The following RSU1 variants were observed in gnomAD, a reference collection of about 807,000 sequenced individuals.
The protein encoded by RSU1 is rsu-1.
RSU1 carries 26 observed loss-of-function variants against 31.1 expected under a neutral mutation model. The observed-to-expected ratio is 0.84, with a 90% CI of 0.61 to 1.16. RSU1 has a LOEUF of 1.16. Ranked by LOEUF, RSU1 falls within the 50% of genes most tolerant of loss-of-function variation. The pLI, the probability that RSU1 is intolerant of heterozygous loss-of-function variation, is 0.00. For synonymous variants in RSU1, 164 were observed against 136.3 expected (o/e 1.20, Z -1.41); for missense variants, 320 against 339.1 (o/e 0.94, Z 0.44).
intron 8 of RSU1, among the ~76,000 whole-genome samples, chr10:16,656,952 C>A (rs570956031): frequency 1.3e-5 from 2 of 152,240 alleles, no homozygotes; most frequent in South Asian, 2.1e-4. Context: ...AATAGAAGAA[C>A]CGTCCACACA....
chr10:16,703,932 A>G (rs1157387465), intron 7 of RSU1, among the ~76,000 whole-genome samples: 1 of 152,140 alleles, frequency 6.6e-6, no homozygotes, highest in Non-Finnish European at 1.5e-5. Context: ...GCATCAGAAT[A>G]TTTTTTACAG....
At chr10:16,761,060 GCCT>G (rs756232563) in intron 4 of RSU1, among the ~76,000 whole-genome samples, 3 of 152,126 alleles carry the variant, frequency 2.0e-5, no homozygotes, top group Non-Finnish European at 4.4e-5. Flanking sequence ...TCCTGCCTCA[GCCT>G]CCCAGGTAGA....
At chr10:16,701,960 G>T (rs1835802489) in intron 7 of RSU1, among the ~76,000 whole-genome samples, 1 of 152,164 alleles carries the variant, frequency 6.6e-6, no homozygotes, top group Non-Finnish European at 1.5e-5. Context: ...TTTTAAACCT[G>T]GCATTCATTT....
chr10:16,697,003 A>C (rs1418120839), intron 7 of RSU1, among the ~76,000 whole-genome samples: 1 of 151,540 alleles, frequency 6.6e-6, no homozygotes, highest in Non-Finnish European at 1.5e-5. Context: ...TTTTTCTCTA[A>C]TTTTTCCTTT....
At chr10:16,765,286 T>A (rs74125869) in intron 3 of RSU1, among the ~76,000 whole-genome samples, 2,013 of 152,258 alleles carry the variant, frequency 0.013, 45 homozygotes, top group East Asian at 0.067. Flanking sequence ...ATATTCACCC[T>A]CCCTAGTTTC....
At chr10:16,781,808 A>G (rs1466478075) in intron 3 of RSU1, among the ~76,000 whole-genome samples, 2 of 152,216 alleles carry the variant, frequency 1.3e-5, no homozygotes, top group Non-Finnish European at 2.9e-5. Context: ...GTAACACGGC[A>G]AGACCTTGTC....
chr10:16,817,234 G>GGGTTT, intron 1 of RSU1, 81 bp downstream of exon 1: 2 of 586,320 alleles, frequency 3.4e-6, no homozygotes, highest in East Asian at 2.9e-5. Flanking sequence ...GGTGCGGGGA[G>GGGTTT]GGGATGGAGT....
intron 8 of RSU1, among the ~76,000 whole-genome samples, chr10:16,679,610 G>C (rs1397714545): frequency 1.3e-5 from 2 of 152,184 alleles, no homozygotes; most frequent in East Asian, 3.8e-4. Flanking sequence ...TGTGAAGAAA[G>C]AGCATTCCAG....
At chr10:16,773,027 C>A (rs954574152) in intron 3 of RSU1, among the ~76,000 whole-genome samples, 1 of 151,762 alleles carries the variant, frequency 6.6e-6, no homozygotes, top group African/African-American at 2.4e-5. Flanking sequence ...GGCAACAGGG[C>A]GAAACCCCAC....
At position 16,637,639 on chromosome 10, in the gene RSU1, T is replaced by C. The variant is rs1327454132; in HGVS notation, c.732-44143A>G. 2.0e-5 allele frequency among the ~76,000 whole-genome samples: 3 copies of C among 151,950 alleles called. No homozygotes were observed. The East Asian group carries it at 5.8e-4, about 29-fold the overall frequency. ...TAGGCCATGCTGGAAAAGCAGAGCA[T>C]GGAAAACAGAGGGAACACACAGATA... is the stretch of plus-strand genomic sequence containing the variant. On this transcript the variant is annotated intron_variant, in intron 8 of 8. Coordinates refer to ENST00000345264, the MANE Select transcript of RSU1 (RefSeq NM_012425.4).
intron 7 of RSU1, among the ~76,000 whole-genome samples, chr10:16,715,892 A>T (rs1836129904): frequency 6.6e-6 from 1 of 152,246 alleles, no homozygotes; most frequent in Non-Finnish European, 1.5e-5. Context: ...TGCTTTAGAT[A>T]GTGTGATATA....
rs766790851 is a variant in RSU1 at position 16,752,657 on chromosome 10, A to C, written c.484-4T>G. The C allele has an allele frequency of 1.1e-5, 17 of 1,598,580 alleles. No homozygotes were observed. The highest frequency in any genetic ancestry group is 1.5e-5 in the Non-Finnish European group (17 of 1,166,406). On this transcript the variant is annotated splice_polypyrimidine_tract_variant and splice_region_variant and intron_variant, in intron 6 of 8. Transcript: ENST00000345264. ...GGTCGTTATCCCTAAGGCTGAGCTAAACAGAAGAAAACAAGTTGTCAACAT... is the reference window on the plus strand; with the variant it reads ...GGTCGTTATCCCTAAGGCTGAGCTACACAGAAGAAAACAAGTTGTCAACAT...
intron 8 of RSU1, among the ~76,000 whole-genome samples, chr10:16,627,407 A>C (rs1443212192): frequency 6.6e-6 from 1 of 152,226 alleles, no homozygotes; most frequent in East Asian, 1.9e-4. Flanking sequence ...AAATGTTTGT[A>C]ATGAAGGATC....
At chr10:16,689,429 G>A (rs1041482172) in intron 8 of RSU1, among the ~76,000 whole-genome samples, 13 of 152,330 alleles carry the variant, frequency 8.5e-5, no homozygotes, top group Admixed American at 4.6e-4. Flanking sequence ...CACTGACTCA[G>A]CAGTCACTAG....
At chr10:16,633,737 C>T (rs547580621) in intron 8 of RSU1, among the ~76,000 whole-genome samples, 1 of 152,142 alleles carries the variant, frequency 6.6e-6, no homozygotes, top group African/African-American at 2.4e-5. Flanking sequence ...CTTAACTCCA[C>T]GATTCCATGG....
intron 2 of RSU1, among the ~76,000 whole-genome samples, chr10:16,793,278 T>C (rs1169957999): frequency 6.6e-6 from 1 of 152,216 alleles, no homozygotes. Context: ...TTGACTGAAT[T>C]CTACTATTTA....
intron 7 of RSU1, among the ~76,000 whole-genome samples, chr10:16,744,131 C>CA (rs199565122): frequency 0.07 from 8,081 of 114,768 alleles, 556 homozygotes; most frequent in African/African-American, 0.19. Context: ...GACTCTGTCT[C>CA]AAAAAAAAAA....
chr10:16,683,407 G>T (rs556687597), intron 8 of RSU1, among the ~76,000 whole-genome samples: 47 of 152,164 alleles, frequency 3.1e-4, no homozygotes, highest in Middle Eastern at 3.4e-3. Flanking sequence ...AAGGTTCATG[G>T]TATTAAAAAA....
intron 7 of RSU1, among the ~76,000 whole-genome samples, chr10:16,738,804 C>T (rs940795357): frequency 2.0e-5 from 3 of 152,146 alleles, no homozygotes; most frequent in Non-Finnish European, 2.9e-5. Context: ...AACCCATCAA[C>T]TAGGTTTTCA....
Sources: allele counts gnomAD v4.1 joint callset (sites outside exome capture counted in the v4.1 genomes callset), GRCh38; gene constraint gnomAD v4.1.1; transcripts MANE v1.5; gene names NCBI Gene and HGNC (gene_info 2026-07-23, HGNC 2026-07-21).